CFAP61: variants seen among roughly 807,000 people sequenced by gnomAD.
CFAP61 encodes the protein cilia- and flagella-associated protein 61.
In CFAP61, 107 loss-of-function variants were observed where a neutral mutation model predicts 135.6. The observed-to-expected ratio is 0.79, with a 90% confidence interval of 0.67 to 0.93. CFAP61 has a LOEUF of 0.93. CFAP61 is among the 40% of genes least tolerant of loss of function. The probability of loss-of-function intolerance (pLI) is 0.00; values close to 1 mark genes in which losing one functional copy is unlikely to be tolerated. For synonymous variants in CFAP61, 575 were observed against 578.5 expected (o/e 0.99, Z 0.09); for missense variants, 1,507 against 1,556.2 (o/e 0.97, Z 0.53).
intron 25 of CFAP61, among the ~76,000 whole-genome samples, chr20:20,309,357 T>A (rs2056678270): frequency 1.3e-5 from 2 of 152,080 alleles, no homozygotes; most frequent in African/African-American, 4.8e-5. Flanking sequence ...GATTGCACTA[T>A]GAAATGAAAA....
At position 20,090,496 on chromosome 20, in the gene CFAP61, C is replaced by T. The variant is rs145087586; in HGVS notation, c.567-348C>T. ...CATGAGGTCAAGAGATAGAAACCAT[C>T]CTGGCCAACATGGTGAAACCCTATC... On this transcript the variant is annotated intron_variant, in intron 6 of 26. Coordinates refer to ENST00000245957, the MANE Select transcript of CFAP61 (RefSeq NM_015585.4). 8.0e-4 allele frequency among the ~76,000 whole-genome samples: 121 copies of T among 152,140 alleles called. 1 individual carries two copies. The East Asian group carries it at 0.017, about 22-fold the overall frequency.
At chr20:20,155,568 G>C (rs2052829240) in intron 9 of CFAP61, among the ~76,000 whole-genome samples, 1 of 151,886 alleles carries the variant, frequency 6.6e-6, no homozygotes, top group Non-Finnish European at 1.5e-5. Flanking sequence ...AAATGAATCA[G>C]CAAGAAAGAA....
chr20:20,093,610 T>G (rs2047363303), intron 7 of CFAP61, among the ~76,000 whole-genome samples: 1 of 151,810 alleles, frequency 6.6e-6, no homozygotes, highest in Non-Finnish European at 1.5e-5. Context: ...AATTTTTGTA[T>G]TTTTAGTAGA....
intron 25 of CFAP61, 65 bp downstream of exon 25, chr20:20,298,451 G>A (rs2055811396): frequency 7.1e-7 from 1 of 1,403,986 alleles, no homozygotes; most frequent in Non-Finnish European, 9.9e-7. Context: ...TGTGAATGAG[G>A]GACATGTGTT....
chr20:20,145,230 G>T (rs2146758623), intron 9 of CFAP61, among the ~76,000 whole-genome samples: 1 of 152,210 alleles, frequency 6.6e-6, no homozygotes, highest in Non-Finnish European at 1.5e-5. Context: ...TAAAATGTAT[G>T]ACAAGAATAG....
At position 20,277,244 on chromosome 20, in the gene CFAP61, G is replaced by GCCGCATCCA; in HGVS notation, c.2585_2593dup (p.Arg862_His864dup). ...CTCTTAAACCTTGGCGTGAGCGGCA[G>GCCGCATCCA]CCGCATCCACCTCGTGCAGCCCCCG... On this transcript the variant is annotated inframe_insertion, in exon 22 of 27. Coordinates refer to ENST00000245957, the MANE Select transcript of CFAP61 (RefSeq NM_015585.4). 6.2e-7 allele frequency: 1 copy of GCCGCATCCA among 1,613,882 alleles called. No homozygotes were observed. Among genetic ancestry groups the GCCGCATCCA allele is most frequent in the Non-Finnish European group, 8.5e-7 (1 of 1,179,992 alleles).
At chr20:20,219,509 G>A (rs6081927) in intron 17 of CFAP61, among the ~76,000 whole-genome samples, 16,906 of 152,128 alleles carry the variant, frequency 0.11, 1,268 homozygotes, top group Middle Eastern at 0.21. Context: ...ATGCATCTCT[G>A]ATATATCATA....
rs115367881 is a variant in CFAP61 at position 20,307,301 on chromosome 20, A to G, written c.3422+8915A>G. 8.8e-3 allele frequency among the ~76,000 whole-genome samples: 1,344 copies of G among 152,330 alleles called. 31 individuals are homozygous for G. Among genetic ancestry groups the G allele is most frequent in the African/African-American group, 0.029 (1,226 of 41,576 alleles). ...GAACTTGAAGAAGCCATTTAATCTCATTGAGCATCAGTTTCCTCACCCATA... is the reference window on the plus strand; with the variant it reads ...GAACTTGAAGAAGCCATTTAATCTCGTTGAGCATCAGTTTCCTCACCCATA... On this transcript the variant is annotated intron_variant, in intron 25 of 26. Coordinates refer to ENST00000245957, the MANE Select transcript of CFAP61 (RefSeq NM_015585.4).
At chr20:20,162,938 T>C (rs1016046877) in intron 10 of CFAP61, among the ~76,000 whole-genome samples, 71 of 152,184 alleles carry the variant, frequency 4.7e-4, no homozygotes, top group Non-Finnish European at 9.8e-4. Context: ...GGGGATAAGA[T>C]GTGGGGAAGA....
At chr20:20,262,575 C>G (rs542194473) in intron 20 of CFAP61, among the ~76,000 whole-genome samples, 44 of 152,210 alleles carry the variant, frequency 2.9e-4, no homozygotes, top group Non-Finnish European at 5.3e-4. Flanking sequence ...CCCCCAGCCC[C>G]TGAGTCACCC....
At chr20:20,352,682 T>C (rs1403883923) in intron 26 of CFAP61, among the ~76,000 whole-genome samples, 2 of 152,064 alleles carry the variant, frequency 1.3e-5, no homozygotes, top group African/African-American at 4.8e-5. Context: ...TACACAAAAA[T>C]CAATTCAAAA....
At chr20:20,332,490 A>C (rs2058038173) in intron 25 of CFAP61, among the ~76,000 whole-genome samples, 1 of 152,228 alleles carries the variant, frequency 6.6e-6, no homozygotes. Flanking sequence ...CACCCAGTGT[A>C]GTAAGCAGGC....
intron 21 of CFAP61, among the ~76,000 whole-genome samples, chr20:20,268,012 C>CTTA: frequency 6.6e-6 from 1 of 152,358 alleles, no homozygotes; most frequent in South Asian, 2.1e-4. Context: ...CAGGGCTGTG[C>CTTA]TTATGCACGT....
chr20:20,324,889 G>A (rs912166014), intron 25 of CFAP61, among the ~76,000 whole-genome samples: 3 of 151,944 alleles, frequency 2.0e-5, no homozygotes, highest in African/African-American at 7.3e-5. Context: ...TTTTTAATTA[G>A]GTTGCCTGTT....
rs2058437489 is a variant in CFAP61 at position 20,341,324 on chromosome 20, A to G, written c.3423-507A>G. ...AGTTAGCAAATATGAACACCAAAAA[A>G]TGCAGCTCTCCTACAAGAGATTCAA... On this transcript the variant is annotated intron_variant, in intron 25 of 26. Transcript: ENST00000245957. Among the ~76,000 whole-genome samples the G allele has an allele frequency of 2.0e-5, 3 of 152,214 alleles. No individual in the cohort carries two copies. In the South Asian group the frequency reaches 6.2e-4, roughly 32 times the overall value.
intron 25 of CFAP61, among the ~76,000 whole-genome samples, chr20:20,318,448 C>G (rs1276189481): frequency 6.6e-6 from 1 of 152,166 alleles, no homozygotes; most frequent in East Asian, 1.9e-4. Flanking sequence ...TGACAGAAGC[C>G]CAGCTGAAAC....
At chr20:20,143,198 A>G (rs1341416857) in intron 9 of CFAP61, among the ~76,000 whole-genome samples, 1 of 152,136 alleles carries the variant, frequency 6.6e-6, no homozygotes, top group Non-Finnish European at 1.5e-5. Flanking sequence ...GCCTTTCTCT[A>G]CCTTCCTCCC....
chr20:20,346,260 T>C (rs2058631373), intron 26 of CFAP61, among the ~76,000 whole-genome samples: 1 of 144,748 alleles, frequency 6.9e-6, no homozygotes, highest in Non-Finnish European at 1.5e-5. Context: ...CTTATGCCTG[T>C]AATCCCAGCA....
intron 8 of CFAP61, among the ~76,000 whole-genome samples, chr20:20,115,185 A>G (rs2049054032): frequency 6.6e-6 from 1 of 152,106 alleles, no homozygotes; most frequent in African/African-American, 2.4e-5. Context: ...ACTTCTTGAA[A>G]TGTCCTTCCT....
Sources: allele counts gnomAD v4.1 joint callset (sites outside exome capture counted in the v4.1 genomes callset), GRCh38; gene constraint gnomAD v4.1.1; transcripts MANE v1.5; gene names NCBI Gene and HGNC (gene_info 2026-07-23, HGNC 2026-07-21).